The following SEMA5A variants were observed in gnomAD, a reference collection of about 807,000 sequenced individuals.
SEMA5A encodes semaphorin 5A.
Under a neutral mutation model 135.5 loss-of-function variants are expected in SEMA5A, and 55 were observed. That is an observed-to-expected ratio of 0.41 (90% CI 0.33 to 0.51). The LOEUF (loss-of-function observed/expected upper bound fraction) is 0.51, where lower values mean the gene tolerates loss of function less well. Among genes scored for constraint, SEMA5A ranks in the 20% least tolerant of loss-of-function variants. SEMA5A has a pLI of 0.37. For missense variants in SEMA5A, 1,290 were observed against 1,419.9 expected, an observed-to-expected ratio of 0.91 and a Z score of 1.47; for synonymous variants, 580 against 546.5, an observed-to-expected ratio of 1.06 and a Z score of -0.85.
intron 1 of SEMA5A, among the ~76,000 whole-genome samples, chr5:9,485,699 A>G (rs1466776520): frequency 6.6e-6 from 1 of 152,162 alleles, no homozygotes; most frequent in African/African-American, 2.4e-5. Flanking sequence ...CCTGCTATAC[A>G]CCAACATCCT....
intron 1 of SEMA5A, among the ~76,000 whole-genome samples, chr5:9,533,367 A>G (rs972104476): frequency 3.3e-5 from 5 of 152,242 alleles, no homozygotes; most frequent in African/African-American, 1.2e-4. Flanking sequence ...GAGTTTGTCC[A>G]TAAGATTTTT....
At chr5:9,522,492 A>G (rs1282320326) in intron 1 of SEMA5A, among the ~76,000 whole-genome samples, 1 of 152,166 alleles carries the variant, frequency 6.6e-6, no homozygotes, top group Non-Finnish European at 1.5e-5. Context: ...CTGAGGCAGG[A>G]GAATCGCTTA....
intron 5 of SEMA5A, among the ~76,000 whole-genome samples, chr5:9,273,987 C>T (rs548738576): frequency 1.3e-5 from 2 of 152,102 alleles, no homozygotes; most frequent in African/African-American, 2.4e-5. Context: ...TCACACATAA[C>T]AATATTAACC....
Position 9,101,497 on chromosome 5 carries a change from A to G in SEMA5A, c.2073+6643T>C, listed in dbSNP as rs1330059486. Reference sequence around the variant, plus strand: ...CATGTAGCAATTATAATGACAGATGATGATGATGGTGATGAAGAATATTAT... The same window carrying G: ...CATGTAGCAATTATAATGACAGATGGTGATGATGGTGATGAAGAATATTAT... On this transcript the variant is annotated intron_variant, in intron 16 of 22. Coordinates refer to ENST00000382496, the MANE Select transcript of SEMA5A (RefSeq NM_003966.3). Among the ~76,000 whole-genome samples, 11 of 152,252 alleles carry G rather than the reference A, an allele frequency of 7.2e-5. No individual in the cohort carries two copies. In the East Asian group the frequency reaches 2.1e-3, roughly 29 times the overall value.
At chr5:9,053,841 C>A in intron 19 of SEMA5A, 3 of 398,978 alleles carry the variant, frequency 7.5e-6, no homozygotes, top group Non-Finnish European at 8.8e-6. Flanking sequence ...TGCTTGAAGC[C>A]TTTAGCACTC....
intron 12 of SEMA5A, among the ~76,000 whole-genome samples, chr5:9,138,135 T>C (rs1741862820): frequency 6.6e-6 from 1 of 152,206 alleles, no homozygotes; most frequent in Non-Finnish European, 1.5e-5. Flanking sequence ...TACAAAAATG[T>C]ATGAAACAAC....
chr5:9,137,256 T>A (rs1056990084), intron 12 of SEMA5A, among the ~76,000 whole-genome samples: 1 of 152,230 alleles, frequency 6.6e-6, no homozygotes, highest in Non-Finnish European at 1.5e-5. Context: ...TTTCATTTGT[T>A]TACTGTAGCT....
chr5:9,520,595 T>C (rs1398887689), intron 1 of SEMA5A, among the ~76,000 whole-genome samples: 3 of 152,168 alleles, frequency 2.0e-5, no homozygotes, highest in Non-Finnish European at 4.4e-5. Flanking sequence ...TGTTATTCCA[T>C]ATTTTATACT....
chr5:9,474,904 C>G (rs540193257), intron 1 of SEMA5A, among the ~76,000 whole-genome samples: 1 of 152,312 alleles, frequency 6.6e-6, no homozygotes, highest in South Asian at 2.1e-4. Context: ...CACCTCCATT[C>G]TTGTACTTTT....
At chr5:9,061,970 G>T (rs149738225) in intron 18 of SEMA5A, among the ~76,000 whole-genome samples, 1 of 152,110 alleles carries the variant, frequency 6.6e-6, no homozygotes, top group Non-Finnish European at 1.5e-5. Flanking sequence ...TGTGGGGGAG[G>T]GCTGGGTCCA....
At chr5:9,329,781 A>G (rs1753038096) in intron 4 of SEMA5A, among the ~76,000 whole-genome samples, 1 of 152,168 alleles carries the variant, frequency 6.6e-6, no homozygotes, top group Non-Finnish European at 1.5e-5. Flanking sequence ...TCCCCAGAGC[A>G]TTGGCTCCAA....
At chr5:9,149,001 T>A (rs1473592193) in intron 12 of SEMA5A, among the ~76,000 whole-genome samples, 1 of 152,186 alleles carries the variant, frequency 6.6e-6, no homozygotes, top group Non-Finnish European at 1.5e-5. Context: ...ATTACAAGTG[T>A]GAGCCACCAT....
At chr5:9,230,280 A>G (rs1747557804) in intron 6 of SEMA5A, among the ~76,000 whole-genome samples, 1 of 149,058 alleles carries the variant, frequency 6.7e-6, no homozygotes, top group African/African-American at 2.5e-5. Flanking sequence ...GATTGCAGGC[A>G]TGAGCCACAG....
chr5:9,385,088 A>G (rs901299503), intron 2 of SEMA5A, among the ~76,000 whole-genome samples: 2 of 152,236 alleles, frequency 1.3e-5, no homozygotes, highest in African/African-American at 4.8e-5. Flanking sequence ...TTTGGGAGAC[A>G]ACATATAAGC....
At position 9,462,486 on chromosome 5, in the gene SEMA5A, A is replaced by G. The variant is rs558859130; in HGVS notation, c.-174-24634T>C. Among the ~76,000 whole-genome samples, 71 of 152,278 alleles carry G rather than the reference A, an allele frequency of 4.7e-4. No homozygotes were observed. The South Asian group carries it at 0.013, about 28-fold the overall frequency. On this transcript the variant is annotated intron_variant, in intron 1 of 22. Transcript: ENST00000382496. Reference sequence around the variant, plus strand: ...TCCCATTAATTGATACACATACCCAAAGGAATATATATCATTCTACCATAA... The same window carrying G: ...TCCCATTAATTGATACACATACCCAGAGGAATATATATCATTCTACCATAA...
intron 10 of SEMA5A, among the ~76,000 whole-genome samples, chr5:9,191,922 T>C (rs28498950): frequency 9.0e-6 from 1 of 110,668 alleles, no homozygotes; most frequent in Non-Finnish European, 1.8e-5. Context: ...CCATGACCCA[T>C]GTGTGAGTTT....
At chr5:9,062,784 T>A in intron 18 of SEMA5A, 103 bp downstream of exon 18, 1 of 1,186,206 alleles carries the variant, frequency 8.4e-7, no homozygotes. Flanking sequence ...AGAACACAGA[T>A]CTCAAACACG....
intron 5 of SEMA5A, among the ~76,000 whole-genome samples, chr5:9,284,945 C>A (rs1033742117): frequency 3.9e-5 from 6 of 152,168 alleles, no homozygotes; most frequent in Admixed American, 6.5e-5. Flanking sequence ...AAGGGGGCAC[C>A]CCCTTAGCCA....
chr5:9,159,084 CA>C (rs941003900), intron 11 of SEMA5A, among the ~76,000 whole-genome samples: 2 of 152,164 alleles, frequency 1.3e-5, no homozygotes, highest in Non-Finnish European at 2.9e-5. Context: ...CCTATTACAT[CA>C]CATCTCCTTT....
Sources: allele counts gnomAD v4.1 joint callset (sites outside exome capture counted in the v4.1 genomes callset), GRCh38; gene constraint gnomAD v4.1.1; transcripts MANE v1.5; gene names NCBI Gene and HGNC (gene_info 2026-07-23, HGNC 2026-07-21).